The following TNPO2 variants were observed in gnomAD, a reference collection of about 807,000 sequenced individuals.
The protein encoded by TNPO2 is transportin 2.
Under a neutral mutation model 111.1 loss-of-function variants are expected in TNPO2, and 16 were observed. That is an observed-to-expected ratio of 0.14 (90% confidence interval 0.10 to 0.22). TNPO2 has a LOEUF of 0.22. TNPO2 is among the 10% of genes least tolerant of loss of function. The probability of loss-of-function intolerance (pLI) is 1.00; values close to 1 mark genes in which losing one functional copy is unlikely to be tolerated. For synonymous variants in TNPO2, 481 were observed against 475.8 expected (o/e 1.01, Z -0.14); for missense variants, 530 against 1,173.7 (o/e 0.45, Z 8.01).
In TNPO2 at chr19:12,703,524, C is replaced by G; in HGVS notation, c.2113G>C (p.Glu705Gln). 6.2e-7 allele frequency: 1 copy of G among 1,613,910 alleles called. No homozygotes were observed. The highest frequency in any genetic ancestry group is 8.5e-7 in the Non-Finnish European group (1 of 1,179,858). ...TTGGTGCCCAGAATGGGCATGAACT[C>G]GGCTGGTGGGGAGAAACAGGGGTGC... ...CFIHVKPCIA[E>Q]FMPILGTNLN... Residue 705 changes from glutamate (E) to glutamine (Q), a missense_variant and splice_region_variant, in exon 20 of 26, where the codon GAG (glutamate) becomes CAG (glutamine). Glu to Gln is a conservative substitution (Grantham distance 29, BLOSUM62 2). Transcript: ENST00000425528.
chr19:12,712,913 C>T (rs372069390), intron 10 of TNPO2, among the ~76,000 whole-genome samples: 2 of 152,168 alleles, frequency 1.3e-5, no homozygotes, highest in African/African-American at 4.8e-5. Context: ...CTGGTCCCTA[C>T]GTAACCCTAT....
At chr19:12,709,017 C>T (rs1193617259) in intron 13 of TNPO2, among the ~76,000 whole-genome samples, 2 of 142,018 alleles carry the variant, frequency 1.4e-5, no homozygotes, top group African/African-American at 5.2e-5. Flanking sequence ...CCAGCCTGGG[C>T]GATAAGAGGG....
chr19:12,702,882 T>C lies in TNPO2; in HGVS notation c.2246A>G (p.Asn749Ser), dbSNP rs1263070174. The change falls in exon 21 of 26, where the codon AAC becomes AGC. Residue 749 changes from asparagine (N) to serine (S), a missense_variant. Coordinates refer to ENST00000425528, the MANE Select transcript of TNPO2 (RefSeq NM_001382241.1). This position sits in a 1 kb window ranked among gnomAD's most constrained non-coding sequence, Gnocchi z 5.5. ...TCGGTTAATGATTTCCACCAGGTTG[T>C]TGAGGACCATCTGCACATAAGGCTG... The part of the protein sequence containing the change: ...EMQPYVQMVL[N>S]NLVEIINRPN... 1 of 1,613,764 alleles carries C rather than the reference T, an allele frequency of 6.2e-7. No homozygotes were observed. Among genetic ancestry groups the C allele is most frequent in the African/African-American group, 1.3e-5 (1 of 74,890 alleles).
In TNPO2 at chr19:12,704,628, C is replaced by G. The variant is rs147732190; in HGVS notation, c.2022+612G>C. On this transcript the variant is annotated intron_variant, in intron 18 of 25. Coordinates refer to ENST00000425528, the MANE Select transcript of TNPO2 (RefSeq NM_001382241.1). ...TCTTGGGATGTAGAACCCACAGATA[C>G]AGAGAGCCAACTGTGCTGGGGCAGG... Among the ~76,000 whole-genome samples, 232 of 152,298 alleles carry G rather than the reference C, an allele frequency of 1.5e-3. 1 individual carries two copies. Among genetic ancestry groups the G allele is most frequent in the African/African-American group, 5.2e-3 (217 of 41,562 alleles).
chr19:12,722,791 C>A (rs1967091994), intron 2 of TNPO2, among the ~76,000 whole-genome samples: 1 of 152,040 alleles, frequency 6.6e-6, no homozygotes, highest in African/African-American at 2.4e-5. Context: ...AGCCGGTCCT[C>A]CCAGTGTCTC....
Position 12,706,650 on chromosome 19 carries a change from G to A in TNPO2, c.1416C>T (p.Asp472=), listed in dbSNP as rs749968226. The change falls in exon 14 of 26, where the codon GAC becomes GAT. Residue 472 remains aspartate (D), a synonymous_variant. Coordinates refer to ENST00000425528, the MANE Select transcript of TNPO2 (RefSeq NM_001382241.1). This position sits in a 1 kb window ranked among gnomAD's most constrained non-coding sequence, Gnocchi z 7.0. ...YAHWVVSQPP[D]MHLKPLMTEL... ...CTGTCATCAGGGGCTTGAGGTGCATGTCGGGTGGCTGGCTGACCACCCAGT... is the reference window on the plus strand; with the variant it reads ...CTGTCATCAGGGGCTTGAGGTGCATATCGGGTGGCTGGCTGACCACCCAGT... 1.9e-6 allele frequency: 3 copies of A among 1,613,862 alleles called. No individual in the cohort carries two copies. In the African/African-American group the frequency reaches 4.0e-5, roughly 22 times the overall value.
chr19:12,721,519 G>A lies in TNPO2; in HGVS notation c.-13-529C>T. 2.7e-6 allele frequency: 1 copy of A among 366,674 alleles called. No individual in the cohort carries two copies. Among genetic ancestry groups the A allele is most frequent in the Non-Finnish European group, 5.2e-6 (1 of 191,474 alleles). The allele number at this position is 366,674 out of a possible 1,614,324, so 22.7% of individuals were successfully genotyped here. ...CCTCCTGCCCTAGTCCAATTTCTGA[G>A]CTTCCCCAGATGCGCCCTCCCAAGA... On this transcript the variant is annotated intron_variant, in intron 2 of 25. Coordinates refer to ENST00000425528, the MANE Select transcript of TNPO2 (RefSeq NM_001382241.1). This position sits in a 1 kb window ranked among gnomAD's most constrained non-coding sequence, Gnocchi z 4.9.
In TNPO2 at chr19:12,702,860, G is replaced by A. The variant is rs371119871; in HGVS notation, c.2268C>T (p.Asn756=). The change falls in exon 21 of 26, where the codon AAC becomes AAT. Residue 756 remains asparagine, a synonymous_variant. Coordinates refer to ENST00000425528, the MANE Select transcript of TNPO2 (RefSeq NM_001382241.1). The surrounding 1 kb of genome is among the most constrained non-coding windows in gnomAD (Gnocchi z 5.5). ...MVLNNLVEII[N]RPNTPKTLLE... is the part of the protein sequence containing the mutation. ...GCAGTGTCTTGGGTGTGTTGGGTCG[G>A]TTAATGATTTCCACCAGGTTGTTGA... The A allele has an allele frequency of 3.1e-6, 5 of 1,613,804 alleles. No homozygotes were observed. The highest frequency in any genetic ancestry group is 4.2e-6 in the Non-Finnish European group (5 of 1,179,836).
Position 12,700,286 on chromosome 19 carries a change from G to GA in TNPO2, c.*977_*978insT, listed in dbSNP as rs1382125632. The stretch of plus-strand genomic sequence containing the variant: ...AACTGGGGCCTGAAACGTGAGAAGG[G>GA]GGTTTCAGAAGCACAGAGAAACGGA... On this transcript the variant is annotated 3_prime_UTR_variant, in exon 26 of 26. Transcript: ENST00000425528. 4.0e-5 allele frequency: 5 copies of GA among 123,742 alleles called. No homozygotes were observed. Among genetic ancestry groups the GA allele is most frequent in the African/African-American group, 1.8e-4 (5 of 27,918 alleles). 7.7% of individuals were successfully genotyped at this position (123,742 alleles called of 1,614,324 possible). A position where few individuals can be genotyped will look rare whatever the true frequency, so the allele number is the denominator to read the frequency against.
chr19:12,706,925 C>A lies in TNPO2; in HGVS notation c.1271-130G>T. ...TTAGAGTTTAAATCACTGGCCCAGACTCATTTCACAGAGCCAGGTAAAGGC... is the reference window on the plus strand; with the variant it reads ...TTAGAGTTTAAATCACTGGCCCAGAATCATTTCACAGAGCCAGGTAAAGGC... On this transcript the variant is annotated intron_variant, in intron 13 of 25. Transcript: ENST00000425528. The surrounding 1 kb of genome is among the most constrained non-coding windows in gnomAD (Gnocchi z 7.0). 1 of 771,510 alleles carries A rather than the reference C, an allele frequency of 1.3e-6. No homozygotes were observed. 47.8% of individuals were successfully genotyped at this position (771,510 alleles called of 1,614,324 possible). A position where few individuals can be genotyped will look rare whatever the true frequency, so the allele number is the denominator to read the frequency against.
chr19:12,706,859 G>T lies in TNPO2; in HGVS notation c.1271-64C>A. 7.3e-7 allele frequency: 1 copy of T among 1,364,824 alleles called. No individual in the cohort carries two copies. The highest frequency in any genetic ancestry group is 1.0e-6 in the Non-Finnish European group (1 of 979,646). The allele number at this position is 1,364,824 out of a possible 1,614,324, so 84.5% of individuals were successfully genotyped here. A position where few individuals can be genotyped will look rare whatever the true frequency, so the allele number is the denominator to read the frequency against. On this transcript the variant is annotated intron_variant, in intron 13 of 25. Coordinates refer to ENST00000425528, the MANE Select transcript of TNPO2 (RefSeq NM_001382241.1). This position sits in a 1 kb window ranked among gnomAD's most constrained non-coding sequence, Gnocchi z 7.0. ...GGCCCAGCCACACCCACCGTATGGA[G>T]AGAAGAGTCAGCCGCACACAACATA...
intron 19 of TNPO2, 33 bp from the exon 20 acceptor site, chr19:12,703,559 G>A: frequency 6.2e-7 from 1 of 1,607,370 alleles, no homozygotes; most frequent in Non-Finnish European, 8.5e-7. Context: ...CTGAGAAGGA[G>A]GGCCAGCCAG....
chr19:12,703,783 G>A lies in TNPO2; in HGVS notation c.2041C>T (p.Arg681Trp), dbSNP rs1164109661. The A allele has an allele frequency of 1.9e-6, 3 of 1,595,810 alleles. No individual in the cohort carries two copies. The highest frequency in any genetic ancestry group is 2.3e-5 in the East Asian group (1 of 44,014). ...CCCAGGAGGGCAAAGGAGCTCTGCCGGACCTCAGGCATCGAGTCCTGGGGA... is the reference window on the plus strand; with the variant it reads ...CCCAGGAGGGCAAAGGAGCTCTGCCAGACCTCAGGCATCGAGTCCTGGGGA... ...QCMQDSMPEVRQSSFALLGDL... is the reference protein window; with the variant it reads ...QCMQDSMPEVWQSSFALLGDL... Residue 681 changes from arginine to tryptophan, a missense_variant, in exon 19 of 26, where the codon CGG (arginine) becomes TGG (tryptophan). Around this residue, in one of 4 missense-constraint regions of TNPO2, gnomAD observed 183 missense variants for 481.0 expected, o/e 0.38. Transcript: ENST00000425528.
chr19:12,719,471 A>C lies in TNPO2; in HGVS notation c.100-135T>G, dbSNP rs1289228302. 1.4e-6 allele frequency: 1 copy of C among 736,462 alleles called. No homozygotes were observed. Among genetic ancestry groups the C allele is most frequent in the Non-Finnish European group, 2.4e-6 (1 of 420,650 alleles). The allele number at this position is 736,462 out of a possible 1,614,324, so 45.6% of individuals were successfully genotyped here. A position where few individuals can be genotyped will look rare whatever the true frequency, so the allele number is the denominator to read the frequency against. ...GGGGATCCCGCTCCCTAATAAGCCC[A>C]CAATGACACAGAGCACCTCAGACAC... On this transcript the variant is annotated intron_variant, in intron 3 of 25. Transcript: ENST00000425528. The surrounding 1 kb of genome is among the most constrained non-coding windows in gnomAD (Gnocchi z 5.0).
In TNPO2 at chr19:12,720,204, G is replaced by C. The variant is rs570636955; in HGVS notation, c.99+675C>G. Among the ~76,000 whole-genome samples the C allele has an allele frequency of 3.9e-5, 6 of 152,138 alleles. No homozygotes were observed. The South Asian group carries it at 1.2e-3, about 32-fold the overall frequency. Reference sequence around the variant, plus strand: ...GCTTAATTTTTGTATTTTTAGTAGAGACAGGGTTTCTCCATGTTGGCCAGG... The same window carrying C: ...GCTTAATTTTTGTATTTTTAGTAGACACAGGGTTTCTCCATGTTGGCCAGG... On this transcript the variant is annotated intron_variant, in intron 3 of 25. Coordinates refer to ENST00000425528, the MANE Select transcript of TNPO2 (RefSeq NM_001382241.1).
At position 12,702,851 on chromosome 19, in the gene TNPO2, G is replaced by A. The variant is rs755830288; in HGVS notation, c.2277C>T (p.Asn759=). The A allele has an allele frequency of 1.2e-6, 2 of 1,613,934 alleles. No homozygotes were observed. Among genetic ancestry groups the A allele is most frequent in the Non-Finnish European group, 8.5e-7 (1 of 1,179,838 alleles). ...TGTTTTCCAGCAGTGTCTTGGGTGT[G>A]TTGGGTCGGTTAATGATTTCCACCA... ...NNLVEIINRP[N]TPKTLLENTG... is the part of the protein sequence containing the mutation. The change falls in exon 21 of 26, where the codon AAC becomes AAT. Residue 759 remains asparagine (N), a synonymous_variant. Coordinates refer to ENST00000425528, the MANE Select transcript of TNPO2 (RefSeq NM_001382241.1). This position sits in a 1 kb window ranked among gnomAD's most constrained non-coding sequence, Gnocchi z 5.5.
At chr19:12,714,312 TTC>T (rs1432554752) in intron 10 of TNPO2, among the ~76,000 whole-genome samples, 69 of 150,648 alleles carry the variant, frequency 4.6e-4, no homozygotes, top group African/African-American at 1.7e-3. Context: ...GATTTTTCAT[TTC>T]TTTTTTTTTT....
Position 12,699,545 on chromosome 19 carries a change from C to T in TNPO2, c.*1719G>A, listed in dbSNP as rs186041378. On this transcript the variant is annotated 3_prime_UTR_variant, in exon 26 of 26. Transcript: ENST00000425528. Reference sequence around the variant, plus strand: ...GTTTGTATCCCCCCATCTTGAGTAGCGAGGGGTTACCAATCCCATCAGACA... The same window carrying T: ...GTTTGTATCCCCCCATCTTGAGTAGTGAGGGGTTACCAATCCCATCAGACA... 3.3e-5 allele frequency: 5 copies of T among 152,360 alleles called. No individual in the cohort carries two copies. Among genetic ancestry groups the T allele is most frequent in the East Asian group, 1.9e-4 (1 of 5,162 alleles). The allele number at this position is 152,360 out of a possible 1,614,324, so 9.4% of individuals were successfully genotyped here.
chr19:12,719,415 C>T lies in TNPO2; in HGVS notation c.100-79G>A, dbSNP rs2026545003. Reference sequence around the variant, plus strand: ...CCTCATTATGTACCTGACACTATCTCTGACCACTGGGACCAGGCTGCCAGC... The same window carrying T: ...CCTCATTATGTACCTGACACTATCTTTGACCACTGGGACCAGGCTGCCAGC... On this transcript the variant is annotated intron_variant, in intron 3 of 25. Transcript: ENST00000425528. The surrounding 1 kb of genome is among the most constrained non-coding windows in gnomAD (Gnocchi z 5.0). The T allele has an allele frequency of 1.6e-6, 2 of 1,273,872 alleles. No individual in the cohort carries two copies. Among genetic ancestry groups the T allele is most frequent in the African/African-American group, 2.9e-5 (2 of 68,114 alleles). The allele number at this position is 1,273,872 out of a possible 1,614,324, so 78.9% of individuals were successfully genotyped here. A position where few individuals can be genotyped will look rare whatever the true frequency, so the allele number is the denominator to read the frequency against.
Sources: gnomAD v4.1 joint callset for allele counts (sites outside exome capture counted in the v4.1 genomes callset) on GRCh38, gnomAD v4.1.1 for gene constraint, gnomAD v4.1.1 regional missense constraint, Gnocchi (gnomAD v3.1) non-coding constraint, MANE v1.5 for transcripts, NCBI Gene and HGNC (gene_info 2026-07-23, HGNC 2026-07-21) for gene names.